The following TMEM63B variants were observed in gnomAD, a reference collection of about 807,000 sequenced individuals.
The protein encoded by TMEM63B is transmembrane protein 63B.
Under a neutral mutation model 102.6 loss-of-function variants are expected in TMEM63B, and 23 were observed. That is an observed-to-expected ratio of 0.22 (90% CI 0.16 to 0.32). The LOEUF (loss-of-function observed/expected upper bound fraction) is 0.32. Ranked by LOEUF, TMEM63B falls within the 10% of genes least tolerant of loss-of-function variation. The probability of loss-of-function intolerance (pLI) is 1.00; values close to 1 mark genes in which losing one functional copy is unlikely to be tolerated. For synonymous variants in TMEM63B, 444 were observed against 437.0 expected (o/e 1.02, Z -0.20); for missense variants, 628 against 1,095.9 (o/e 0.57, Z 6.03).
intron 1 of TMEM63B, among the ~76,000 whole-genome samples, chr6:44,129,667 A>G (rs981426334): frequency 1.3e-5 from 2 of 152,120 alleles, no homozygotes; most frequent in African/African-American, 2.4e-5. Context: ...AAGAAGCCCA[A>G]CCTGACTGAG....
chr6:44,153,600 A>G, intron 20 of TMEM63B, 76 bp from the exon 21 acceptor site: 1 of 1,538,634 alleles, frequency 6.5e-7, no homozygotes, highest in Non-Finnish European at 8.8e-7. Context: ...TCTCAGGACC[A>G]GAACAACCTG....
intron 22 of TMEM63B, 82 bp downstream of exon 22, chr6:44,154,270 G>T (rs1767517843): frequency 1.3e-6 from 2 of 1,596,568 alleles, no homozygotes; most frequent in East Asian, 4.5e-5. Context: ...GCTGGCGAGG[G>T]CTGAGGGCAG....
At chr6:44,153,136 A>G (rs912697805) in intron 20 of TMEM63B, among the ~76,000 whole-genome samples, 1 of 152,226 alleles carries the variant, frequency 6.6e-6, no homozygotes, top group Non-Finnish European at 1.5e-5. Flanking sequence ...AGTCTGCTGT[A>G]TCTGAGCTAT....
chr6:44,142,267 TAAAA>T (rs57699007), intron 10 of TMEM63B, among the ~76,000 whole-genome samples: 17 of 138,388 alleles, frequency 1.2e-4, no homozygotes, highest in African/African-American at 8.2e-5. Flanking sequence ...CCCCATGTCT[TAAAA>T]AAAAAAAAAA....
At position 44,149,915 on chromosome 6, in the gene TMEM63B, C is replaced by A. The variant is rs753549126; in HGVS notation, c.1470C>A (p.Leu490=). 3.1e-5 allele frequency: 50 copies of A among 1,613,642 alleles called. No individual in the cohort carries two copies. In the East Asian group the frequency reaches 1.1e-3, roughly 35 times the overall value. ...TGCTGCTGTGGTGCTTCTCGGCCCT[C>A]CTTCCCACCATCGTCTACTACTCAG... The part of the protein sequence containing the change: ...PTLLLWCFSA[L]LPTIVYYSAF... Residue 490 remains leucine (L), a synonymous_variant, in exon 16 of 24, where the codon CTC becomes CTA. Coordinates refer to ENST00000323267, the MANE Select transcript of TMEM63B (RefSeq NM_018426.3).
chr6:44,139,054 C>T (rs942088098), intron 6 of TMEM63B: 5 of 262,216 alleles, frequency 1.9e-5, no homozygotes, highest in African/African-American at 1.1e-4. Flanking sequence ...TCACTTCTGC[C>T]TCTTTCACCA....
At chr6:44,135,947 A>C (rs546266534) in intron 4 of TMEM63B, among the ~76,000 whole-genome samples, 2 of 152,128 alleles carry the variant, frequency 1.3e-5, no homozygotes, top group East Asian at 1.9e-4. Context: ...CAGCCCTTCC[A>C]GGTTCTCCTG....
chr6:44,135,732 G>C (rs1344517730), intron 4 of TMEM63B, among the ~76,000 whole-genome samples: 2 of 152,204 alleles, frequency 1.3e-5, no homozygotes, highest in East Asian at 3.9e-4. Context: ...CTAACAGCTA[G>C]TTCTTCATAT....
At chr6:44,133,117 A>G (rs1377394389) in intron 1 of TMEM63B, among the ~76,000 whole-genome samples, 2 of 152,216 alleles carry the variant, frequency 1.3e-5, no homozygotes, top group East Asian at 1.9e-4. Context: ...ACCCAATACA[A>G]TTACTAAATT....
intron 18 of TMEM63B, among the ~76,000 whole-genome samples, chr6:44,151,628 A>G (rs1164295479): frequency 6.6e-6 from 1 of 151,906 alleles, no homozygotes; most frequent in Non-Finnish European, 1.5e-5. Flanking sequence ...CACTCTCTCC[A>G]TGGGTCTTTA....
Position 44,155,074 on chromosome 6 carries a change from A to T in TMEM63B, c.*191A>T. On this transcript the variant is annotated 3_prime_UTR_variant, in exon 24 of 24. Coordinates refer to ENST00000323267, the MANE Select transcript of TMEM63B (RefSeq NM_018426.3). ...GGGAGGGAGCCCCCCAACCTCAGTG[A>T]GGAGAGCCCCGAGCCGGCCCCGGGG... The T allele has an allele frequency of 1.9e-6, 1 of 537,482 alleles. No homozygotes were observed. Among genetic ancestry groups the T allele is most frequent in the East Asian group, 3.5e-5 (1 of 28,338 alleles). 33.3% of individuals were successfully genotyped at this position (537,482 alleles called of 1,614,324 possible). A position where few individuals can be genotyped will look rare whatever the true frequency, so the allele number is the denominator to read the frequency against.
intron 1 of TMEM63B, among the ~76,000 whole-genome samples, chr6:44,130,617 TG>T (rs927165294): frequency 7.9e-5 from 12 of 151,484 alleles, no homozygotes; most frequent in African/African-American, 2.7e-4. Context: ...ATTTTGGTGG[TG>T]GGGGGTATCT....
chr6:44,154,520 G>A, intron 23 of TMEM63B, 75 bp downstream of exon 23: 1 of 1,581,992 alleles, frequency 6.3e-7, no homozygotes, highest in South Asian at 1.1e-5. Context: ...TAGTCCTGCA[G>A]AAAGGGGAAC....
intron 18 of TMEM63B, among the ~76,000 whole-genome samples, chr6:44,151,017 G>A (rs1257219644): frequency 1.3e-5 from 2 of 152,042 alleles, no homozygotes; most frequent in East Asian, 1.9e-4. Flanking sequence ...GGGAGGTCTT[G>A]GTGATACTTA....
chr6:44,134,896 A>G, intron 2 of TMEM63B, 121 bp from the exon 3 acceptor site: 1 of 1,493,998 alleles, frequency 6.7e-7, no homozygotes, highest in Non-Finnish European at 9.2e-7. Flanking sequence ...GCCTTTGACC[A>G]TTCACCCAAG....
chr6:44,141,071 A>G lies in TMEM63B; in HGVS notation c.755A>G (p.Glu252Gly). Residue 252 changes from glutamate (E) to glycine (G), a missense_variant, in exon 10 of 24, where the codon GAG (glutamate) becomes GGG (glycine). Around this residue, in one of 6 missense-constraint regions of TMEM63B, gnomAD observed 336 missense variants for 580.3 expected, o/e 0.58. Coordinates refer to ENST00000323267, the MANE Select transcript of TMEM63B (RefSeq NM_018426.3). ...LFINGISKYA[E>G]SEKIKKHFEE... Reference sequence around the variant, plus strand: ...ATCAATGGAATCTCCAAATATGCAGAGTCAGAAAAGATCAAGAAGCATTTT... The same window carrying G: ...ATCAATGGAATCTCCAAATATGCAGGGTCAGAAAAGATCAAGAAGCATTTT... 2 of 1,614,084 alleles carry G rather than the reference A, an allele frequency of 1.2e-6. No homozygotes were observed. Among genetic ancestry groups the G allele is most frequent in the Non-Finnish European group, 1.7e-6 (2 of 1,180,002 alleles).
chr6:44,146,796 G>T (rs1765510257), intron 10 of TMEM63B, 51 bp from the exon 11 acceptor site: 2 of 1,575,740 alleles, frequency 1.3e-6, no homozygotes, highest in African/African-American at 2.7e-5. Context: ...TGAAAGTCAG[G>T]GGCAGGTGGG....
chr6:44,142,355 C>T (rs1307576365), intron 10 of TMEM63B, among the ~76,000 whole-genome samples: 4 of 150,206 alleles, frequency 2.7e-5, no homozygotes, highest in South Asian at 2.1e-4. Context: ...ACTGGTGAAA[C>T]CTTGTCTCTA....
At chr6:44,131,378 C>T (rs915371123) in intron 1 of TMEM63B, among the ~76,000 whole-genome samples, 2 of 152,152 alleles carry the variant, frequency 1.3e-5, no homozygotes, top group Admixed American at 6.5e-5. Context: ...CCCTCCTCCC[C>T]TCAGACCACA....
Sources: gnomAD v4.1 joint callset for allele counts (sites outside exome capture counted in the v4.1 genomes callset) on GRCh38, gnomAD v4.1.1 for gene constraint, gnomAD v4.1.1 regional missense constraint, MANE v1.5 for transcripts, NCBI Gene and HGNC (gene_info 2026-07-23, HGNC 2026-07-21) for gene names.